The following KLHL5 variants were observed in gnomAD, a reference collection of about 807,000 sequenced individuals.
KLHL5 encodes kelch like family member 5, also known as kelch-like protein 5.
A neutral mutation model predicts 77.7 loss-of-function variants in KLHL5; 48 were observed. The observed-to-expected ratio is 0.62, with a 90% CI of 0.49 to 0.79. The LOEUF is 0.79. Ranked by LOEUF, KLHL5 falls within the 30% of genes least tolerant of loss-of-function variation. The probability of loss-of-function intolerance (pLI) is 0.00; values close to 1 mark genes in which losing one functional copy is unlikely to be tolerated. For missense variants in KLHL5, 723 were observed against 859.7 expected, an observed-to-expected ratio of 0.84 and a Z score of 1.99; for synonymous variants, 260 against 297.0, an observed-to-expected ratio of 0.88 and a Z score of 1.28.
At chr4:39,087,900 T>C (rs1720194567) in intron 5 of KLHL5, among the ~76,000 whole-genome samples, 1 of 152,210 alleles carries the variant, frequency 6.6e-6, no homozygotes, top group Non-Finnish European at 1.5e-5. Context: ...AAGTTACTGT[T>C]TGTTTTTTAC....
rs564631254 is a variant in KLHL5 at position 39,122,341 on chromosome 4, T to C, written c.*1275T>C. ...TATGCATCAATGCACTTAATCCTTA[T>C]AACAACCTTATGAGGTAGTTCTATT... On this transcript the variant is annotated 3_prime_UTR_variant, in exon 11 of 11. Coordinates refer to ENST00000504108, the MANE Select transcript of KLHL5 (RefSeq NM_015990.5). The C allele has an allele frequency of 1.3e-5, 2 of 152,368 alleles. No individual in the cohort carries two copies. Among genetic ancestry groups the C allele is most frequent in the South Asian group, 4.1e-4 (2 of 4,834 alleles). 9.4% of individuals were successfully genotyped at this position (152,368 alleles called of 1,614,324 possible). A position where few individuals can be genotyped will look rare whatever the true frequency, so the allele number is the denominator to read the frequency against.
chr4:39,066,287 C>A (rs1717889633), intron 1 of KLHL5, among the ~76,000 whole-genome samples: 1 of 152,072 alleles, frequency 6.6e-6, no homozygotes, highest in South Asian at 2.1e-4. Flanking sequence ...CCAGGGCTAG[C>A]AAAATCTATA....
intron 4 of KLHL5, among the ~76,000 whole-genome samples, chr4:39,082,361 C>G (rs1719693885): frequency 6.6e-6 from 1 of 152,140 alleles, no homozygotes; most frequent in Non-Finnish European, 1.5e-5. Flanking sequence ...GAATCAAGCC[C>G]TAAGTTACTG....
intron 1 of KLHL5, among the ~76,000 whole-genome samples, chr4:39,057,201 A>T (rs1355116748): frequency 6.6e-6 from 1 of 152,204 alleles, no homozygotes; most frequent in Non-Finnish European, 1.5e-5. Flanking sequence ...TTCATTTTTT[A>T]AAATTTAAAG....
chr4:39,062,875 G>A lies in KLHL5; in HGVS notation c.223G>A (p.Asp75Asn), dbSNP rs1477621992. 1.2e-6 allele frequency: 2 copies of A among 1,614,062 alleles called. No individual in the cohort carries two copies. The highest frequency in any genetic ancestry group is 1.7e-5 in the Admixed American group (1 of 59,992). Residue 75 changes from aspartate to asparagine, a missense_variant, in exon 1 of 11, where the codon GAT (aspartate) becomes AAT (asparagine). Asp to Asn is a conservative substitution (Grantham distance 23). Transcript: ENST00000504108. ...TGGTTACCGAAGGTCCAGCCAACTG[G>A]ATTTTCAGAATTCACCTTCTTGGCC... ...SIGYRRSSQL[D>N]FQNSPSWPMA...
chr4:39,136,317 G>T, the KLHL5 span, among the ~76,000 whole-genome samples: 1 of 151,960 alleles, frequency 6.6e-6, no homozygotes, highest in Non-Finnish European at 1.5e-5. Context: ...CCACCACCAA[G>T]TCTGGCTAAT....
chr4:39,076,170 T>C, intron 2 of KLHL5, 23 bp downstream of exon 2: 1 of 1,576,164 alleles, frequency 6.3e-7, no homozygotes, highest in Non-Finnish European at 8.6e-7. Flanking sequence ...TATATTTCTG[T>C]ATGTGTGAAA....
chr4:39,092,109 C>A (rs1720638826), intron 5 of KLHL5, among the ~76,000 whole-genome samples: 1 of 152,054 alleles, frequency 6.6e-6, no homozygotes, highest in African/African-American at 2.4e-5. Flanking sequence ...TAAAAATTTA[C>A]AAAATGAAAA....
At chr4:39,096,088 T>A (rs1190022746) in intron 5 of KLHL5, among the ~76,000 whole-genome samples, 1 of 152,056 alleles carries the variant, frequency 6.6e-6, no homozygotes, top group Non-Finnish European at 1.5e-5. Flanking sequence ...TTCATTTTAT[T>A]TTTTAAAAGA....
chr4:39,082,110 A>T lies in KLHL5; in HGVS notation c.851A>T (p.Asp284Val). The T allele has an allele frequency of 1.2e-6, 2 of 1,613,712 alleles. No individual in the cohort carries two copies. The highest frequency in any genetic ancestry group is 1.7e-6 in the Non-Finnish European group (2 of 1,179,866). ...SNCLGIRSFA[D>V]AQGCTDLHKV... ...TGTCTTGGAATTCGTTCTTTTGCTG[A>T]TGCCCAAGGTTGTACAGATTTGCAT... is the stretch of plus-strand genomic sequence containing the variant. The change falls in exon 4 of 11, where the codon GAT becomes GTT. Residue 284 changes from aspartate to valine, a missense_variant. By Grantham distance (152) the Asp-to-Val change is radical (BLOSUM62 -3). Around this residue, in one of 3 missense-constraint regions of KLHL5, gnomAD observed 288 missense variants for 400.3 expected, o/e 0.72. Coordinates refer to ENST00000504108, the MANE Select transcript of KLHL5 (RefSeq NM_015990.5).
intron 8 of KLHL5, 134 bp from the exon 9 acceptor site, chr4:39,112,886 G>GAC: frequency 1.4e-6 from 1 of 696,646 alleles, no homozygotes; most frequent in Admixed American, 2.8e-5. Context: ...CTTTTTTAAT[G>GAC]ACACACACAT....
chr4:39,094,183 T>C (rs1192861428), intron 5 of KLHL5, among the ~76,000 whole-genome samples: 1 of 152,020 alleles, frequency 6.6e-6, no homozygotes, highest in Non-Finnish European at 1.5e-5. Flanking sequence ...ACGTAGAGTT[T>C]AATAAGGGAA....
Position 39,062,806 on chromosome 4 carries a change from A to G in KLHL5, c.154A>G (p.Lys52Glu). 3.7e-6 allele frequency: 6 copies of G among 1,614,156 alleles called. No individual in the cohort carries two copies. The highest frequency in any genetic ancestry group is 4.2e-6 in the Non-Finnish European group (5 of 1,180,020). Residue 52 changes from lysine (K) to glutamate (E), a missense_variant, in exon 1 of 11, where the codon AAG becomes GAG. Around this residue, in one of 3 missense-constraint regions of KLHL5, gnomAD observed 221 missense variants for 222.1 expected, o/e 1.00. Coordinates refer to ENST00000504108, the MANE Select transcript of KLHL5 (RefSeq NM_015990.5). ...ACAGACTGGAGCAAACGGTGGGAGA[A>G]AGTTTTTAGATCCATGTAGCCTACA... ...RGQTGANGGRKFLDPCSLQLP... is the reference protein window; with the variant it reads ...RGQTGANGGREFLDPCSLQLP...
At chr4:39,054,455 A>G (rs1716877669) in intron 1 of KLHL5, among the ~76,000 whole-genome samples, 1 of 152,204 alleles carries the variant, frequency 6.6e-6, no homozygotes, top group Admixed American at 6.5e-5. Flanking sequence ...TGCCCCAGTC[A>G]GTGTAAAGTA....
At chr4:39,108,311 CCTTTCTTCTTCCATAAAATGAAG>C (rs1722198356) in intron 8 of KLHL5, among the ~76,000 whole-genome samples, 1 of 151,938 alleles carries the variant, frequency 6.6e-6, no homozygotes, top group Non-Finnish European at 1.5e-5. Context: ...TTTTTTCAGT[CCTTTCTTCTTCCATAAAATGAAG>C]CTGTCTGTGG....
At chr4:39,097,062 G>A (rs1721131146) in intron 6 of KLHL5, among the ~76,000 whole-genome samples, 184 bp downstream of exon 6, 1 of 152,218 alleles carries the variant, frequency 6.6e-6, no homozygotes, top group South Asian at 2.1e-4. Context: ...GAATGATGGA[G>A]ATAGGTCAAA....
At chr4:39,107,943 TATC>T (rs775075763) in intron 8 of KLHL5, among the ~76,000 whole-genome samples, 4 of 151,772 alleles carry the variant, frequency 2.6e-5, no homozygotes, top group African/African-American at 7.2e-5. Flanking sequence ...CATTTTTAGT[TATC>T]ATTTTGAGTG....
chr4:39,080,805 T>C (rs1719548015), intron 2 of KLHL5, among the ~76,000 whole-genome samples: 1 of 152,190 alleles, frequency 6.6e-6, no homozygotes, highest in African/African-American at 2.4e-5. Context: ...CAATAACTTT[T>C]AAATTTTTTC....
chr4:39,119,804 A>G (rs1723088019), intron 10 of KLHL5, among the ~76,000 whole-genome samples: 1 of 152,224 alleles, frequency 6.6e-6, no homozygotes, highest in African/African-American at 2.4e-5. Flanking sequence ...GCTATTCACA[A>G]TGTAGAGACT....
Sources: allele counts gnomAD v4.1 joint callset (sites outside exome capture counted in the v4.1 genomes callset), GRCh38; gene constraint gnomAD v4.1.1; regional missense constraint gnomAD v4.1.1; transcripts MANE v1.5; gene names NCBI Gene and HGNC (gene_info 2026-07-23, HGNC 2026-07-21).